The following CFAP74 variants were observed in gnomAD, a reference collection of about 807,000 sequenced individuals.
CFAP74 encodes the protein cilia- and flagella-associated protein 74.
Under a neutral mutation model 188.9 loss-of-function variants are expected in CFAP74, and 124 were observed. That is an observed-to-expected ratio of 0.66 (90% CI 0.57 to 0.76). The LOEUF is 0.76. Ranked by LOEUF, CFAP74 falls within the 30% of genes least tolerant of loss-of-function variation. CFAP74 has a pLI of 0.00. For missense variants in CFAP74, 2,198 were observed against 2,165.2 expected, an observed-to-expected ratio of 1.02 and a Z score of -0.30; for synonymous variants, 956 against 916.7, an observed-to-expected ratio of 1.04 and a Z score of -0.77.
At chr1:1,931,936 G>A (rs995528695) in intron 25 of CFAP74, among the ~76,000 whole-genome samples, 1 of 150,964 alleles carries the variant, frequency 6.6e-6, no homozygotes, top group African/African-American at 2.4e-5. Flanking sequence ...CGTGGTGGCC[G>A]GTGCCTGTAA....
intron 25 of CFAP74, among the ~76,000 whole-genome samples, chr1:1,933,026 T>C (rs1007348859): frequency 2.7e-5 from 4 of 149,920 alleles, no homozygotes; most frequent in Non-Finnish European, 5.9e-5. Context: ...GCTGGGACTA[T>C]AGGCGCCCGC....
At chr1:1,934,841 G>A (rs547749724) in intron 25 of CFAP74, among the ~76,000 whole-genome samples, 4 of 150,710 alleles carry the variant, frequency 2.7e-5, no homozygotes, top group South Asian at 2.1e-4. Context: ...ACGTGTGTAC[G>A]TGGGTGTTAG....
chr1:1,972,321 C>G lies in CFAP74; in HGVS notation c.786-239G>C, dbSNP rs1434431114. On this transcript the variant is annotated intron_variant, in intron 8 of 38. Coordinates refer to ENST00000682832, the MANE Select transcript of CFAP74 (RefSeq NM_001304360.2). ...ACAGGAGCCTCGGTGCTATCATTTC[C>G]ACCAGGAATGTGATTAATGGTGAGA... 2.0e-5 allele frequency among the ~76,000 whole-genome samples: 3 copies of G among 152,344 alleles called. No individual in the cohort carries two copies. In the East Asian group the frequency reaches 5.8e-4, roughly 29 times the overall value.
intron 24 of CFAP74, 135 bp from the exon 25 acceptor site, chr1:1,939,123 T>TCGTTGA: frequency 2.1e-6 from 2 of 931,736 alleles, no homozygotes; most frequent in Non-Finnish European, 1.6e-6. Flanking sequence ...AGTGTCGCTG[T>TCGTTGA]CAACGAGTGT....
At chr1:1,982,727 G>C (rs1045604837) in intron 6 of CFAP74, among the ~76,000 whole-genome samples, 2 of 152,228 alleles carry the variant, frequency 1.3e-5, no homozygotes, top group Non-Finnish European at 2.9e-5. Context: ...CCGGGCGCTC[G>C]GGGCCGCCTG....
rs367955912 is a variant in CFAP74, at chr1:1,959,946, C to A, written c.1761+18G>T. The A allele has an allele frequency of 6.4e-7, 1 of 1,573,916 alleles. No homozygotes were observed. The highest frequency in any genetic ancestry group is 1.4e-5 in the African/African-American group (1 of 71,508). On this transcript the variant is annotated intron_variant, in intron 15 of 38. Coordinates refer to ENST00000682832, the MANE Select transcript of CFAP74 (RefSeq NM_001304360.2). ...CCACCACCTCCCCTTCGAGAGAGAACGGGCCCCTCTGACTCACCATCGGCT... is the reference window on the plus strand; with the variant it reads ...CCACCACCTCCCCTTCGAGAGAGAAAGGGCCCCTCTGACTCACCATCGGCT...
rs1266279739 is a variant in CFAP74 at position 1,923,302 on chromosome 1, C to T, written c.4522+65G>A. 1.2e-5 allele frequency: 18 copies of T among 1,516,274 alleles called. No individual in the cohort carries two copies. In the East Asian group the frequency reaches 4.0e-4, roughly 33 times the overall value. 93.9% of individuals were successfully genotyped at this position (1,516,274 alleles called of 1,614,324 possible). On this transcript the variant is annotated intron_variant, in intron 36 of 38. Coordinates refer to ENST00000682832, the MANE Select transcript of CFAP74 (RefSeq NM_001304360.2). The surrounding 1 kb of genome is among the most constrained non-coding windows in gnomAD (Gnocchi z 6.3). ...GCCCTGCTCCGCTGGGTCTCGGGGC[C>T]CCCATCCACGGGACAGGGGCACCGG...
chr1:1,988,344 T>A (rs920954709), intron 4 of CFAP74, among the ~76,000 whole-genome samples, 168 bp downstream of exon 4: 2 of 152,218 alleles, frequency 1.3e-5, no homozygotes, highest in African/African-American at 4.8e-5. Context: ...CGCTGGGCAC[T>A]AGCTCCCGGG....
intron 25 of CFAP74, among the ~76,000 whole-genome samples, chr1:1,931,750 A>G (rs1407892159): frequency 1.3e-5 from 2 of 150,152 alleles, no homozygotes; most frequent in African/African-American, 4.9e-5. Flanking sequence ...TCTCAAAAAA[A>G]AAAAAAAAAA....
intron 6 of CFAP74, chr1:1,984,273 C>G (rs1485713593): frequency 6.6e-6 from 1 of 151,608 alleles, no homozygotes; most frequent in Non-Finnish European, 1.5e-5. Flanking sequence ...GGATTATAGG[C>G]ATGAGCCACT....
chr1:1,999,366 G>A (rs6605082), intron 1 of CFAP74, among the ~76,000 whole-genome samples: 1 of 151,974 alleles, frequency 6.6e-6, no homozygotes, highest in East Asian at 1.9e-4. Flanking sequence ...TTAAAGACTC[G>A]TATGGGAAAA....
intron 1 of CFAP74, among the ~76,000 whole-genome samples, chr1:1,999,576 G>C (rs1241720733): frequency 1.3e-5 from 2 of 152,138 alleles, no homozygotes; most frequent in Admixed American, 1.3e-4. Flanking sequence ...CAGCACTTTG[G>C]GAGGCCGAGG....
intron 10 of CFAP74, among the ~76,000 whole-genome samples, chr1:1,969,863 T>C (rs948923891): frequency 1.3e-5 from 2 of 152,196 alleles, no homozygotes; most frequent in African/African-American, 4.8e-5. Flanking sequence ...TAAGCAGTGA[T>C]TGGCCAGGGC....
At chr1:2,001,393 A>G (rs200300244) in intron 1 of CFAP74, among the ~76,000 whole-genome samples, 4 of 150,642 alleles carry the variant, frequency 2.7e-5, no homozygotes, top group Admixed American at 1.3e-4. Flanking sequence ...GCAGTGGCGC[A>G]GGGTCGGCTC....
At chr1:1,941,220 C>T (rs529030633) in intron 22 of CFAP74, among the ~76,000 whole-genome samples, 12 of 152,342 alleles carry the variant, frequency 7.9e-5, no homozygotes, top group Admixed American at 1.3e-4. Context: ...AGGAAGCAGC[C>T]GATTTTAAGC....
intron 14 of CFAP74, among the ~76,000 whole-genome samples, chr1:1,962,246 GCC>G (rs1655138185): frequency 6.6e-6 from 1 of 152,126 alleles, no homozygotes; most frequent in African/African-American, 2.4e-5. Context: ...GCCGAGGTGG[GCC>G]TCGGATCACC....
rs1476041068 is a variant in CFAP74, at chr1:1,923,854, T to C, written c.4310A>G (p.Gln1437Arg). The stretch of plus-strand genomic sequence containing the variant: ...GGGGCTGAAGGTGACAGTGAAGTCT[T>C]GTGTCTTCCCGGGGTCCATGACGCC... ...VKGVMDPGKT[Q>R]DFTVTFSPDH... Residue 1437 changes from glutamine (Q) to arginine (R), a missense_variant, in exon 35 of 39, where the codon CAA becomes CGA. Coordinates refer to ENST00000682832, the MANE Select transcript of CFAP74 (RefSeq NM_001304360.2). The surrounding 1 kb of genome is among the most constrained non-coding windows in gnomAD (Gnocchi z 6.3). 1 of 1,613,300 alleles carries C rather than the reference T, an allele frequency of 6.2e-7. No individual in the cohort carries two copies. Among genetic ancestry groups the C allele is most frequent in the African/African-American group, 1.3e-5 (1 of 74,970 alleles).
At chr1:1,971,175 G>C (rs979808112) in intron 9 of CFAP74, among the ~76,000 whole-genome samples, 13 of 148,936 alleles carry the variant, frequency 8.7e-5, no homozygotes, top group African/African-American at 3.3e-4. Context: ...ATGCACACCT[G>C]CACACACGTG....
chr1:1,932,017 G>C lies in CFAP74; in HGVS notation c.3012-1681C>G, dbSNP rs143987471. Among the ~76,000 whole-genome samples, 569 of 142,922 alleles carry C rather than the reference G, an allele frequency of 4.0e-3. 6 individuals are homozygous for C. The highest frequency in any genetic ancestry group is 0.014 in the African/African-American group (528 of 37,046). The allele number at this position is 142,922 out of a possible 152,430, so 93.8% of individuals were successfully genotyped here. A position where few individuals can be genotyped will look rare whatever the true frequency, so the allele number is the denominator to read the frequency against. The stretch of plus-strand genomic sequence containing the variant: ...GGAGGTAGAGGTTGCGGTGAGCTGA[G>C]ATCGCCCCACTGCACTCCAGTCTGG... On this transcript the variant is annotated intron_variant, in intron 25 of 38. Coordinates refer to ENST00000682832, the MANE Select transcript of CFAP74 (RefSeq NM_001304360.2).
Sources: gnomAD v4.1 joint callset for allele counts (sites outside exome capture counted in the v4.1 genomes callset) on GRCh38, gnomAD v4.1.1 for gene constraint, Gnocchi (gnomAD v3.1) non-coding constraint, MANE v1.5 for transcripts, NCBI Gene and HGNC (gene_info 2026-07-23, HGNC 2026-07-21) for gene names.